Variants in DPP10 observed in about 807,000 individuals in gnomAD.
DPP10 encodes inactive dipeptidyl peptidase 10.
In DPP10, 33 loss-of-function variants were observed where a neutral mutation model predicts 120.9. The ratio of observed to expected loss-of-function variants is 0.27; its 90% CI spans 0.21 to 0.37. DPP10 has a LOEUF of 0.37. Ranked by LOEUF, DPP10 falls within the 10% of genes least tolerant of loss-of-function variation. The probability of loss-of-function intolerance (pLI) is 1.00; values close to 1 mark genes in which losing one functional copy is unlikely to be tolerated. For synonymous variants in DPP10, 337 were observed against 326.1 expected (o/e 1.03, Z -0.36); for missense variants, 816 against 942.8 (o/e 0.87, Z 1.76).
At chr2:115,564,872 A>C (rs1243573174) in intron 5 of DPP10, among the ~76,000 whole-genome samples, 2 of 152,180 alleles carry the variant, frequency 1.3e-5, no homozygotes, top group African/African-American at 4.8e-5. Flanking sequence ...CAGTTGGGTT[A>C]GAGTGGGAAG....
intron 2 of DPP10, among the ~76,000 whole-genome samples, chr2:115,311,556 C>G (rs2061578077): frequency 6.6e-6 from 1 of 152,162 alleles, no homozygotes; most frequent in Non-Finnish European, 1.5e-5. Context: ...TGCATTCATT[C>G]ATCCCATAGG....
rs115112746 is a variant in DPP10, at chr2:115,596,071, C to T, written c.441+70099C>T. 8.8e-3 allele frequency among the ~76,000 whole-genome samples: 1,337 copies of T among 152,172 alleles called. 14 individuals carry two copies. The highest frequency in any genetic ancestry group is 0.029 in the African/African-American group (1,220 of 41,532). ...TAATGCCTTACCCTTTCCTGCATAGCCAGGAGGCATAGCTAGGCCAAGAAG... is the reference window on the plus strand; with the variant it reads ...TAATGCCTTACCCTTTCCTGCATAGTCAGGAGGCATAGCTAGGCCAAGAAG... On this transcript the variant is annotated intron_variant, in intron 5 of 25. Transcript: ENST00000410059.
At position 115,162,044 on chromosome 2, in the gene DPP10, C is replaced by G. The variant is rs1253689482; in HGVS notation, c.61-147195C>G. Reference sequence around the variant, plus strand: ...GGCGGACCAGGTGAGAGTCGGCAGCCGCGGCCAGGCCCTCCCGGGAGGGGT... The same window carrying G: ...GGCGGACCAGGTGAGAGTCGGCAGCGGCGGCCAGGCCCTCCCGGGAGGGGT... On this transcript the variant is annotated intron_variant, in intron 1 of 25. Coordinates refer to ENST00000410059, the MANE Select transcript of DPP10 (RefSeq NM_020868.6). The G allele has an allele frequency of 1.1e-5, 16 of 1,416,536 alleles. 1 individual carries two copies. In the South Asian group the frequency reaches 2.5e-4, roughly 22 times the overall value. The allele number at this position is 1,416,536 out of a possible 1,614,324, so 87.7% of individuals were successfully genotyped here. A position where few individuals can be genotyped will look rare whatever the true frequency, so the allele number is the denominator to read the frequency against.
intron 9 of DPP10, among the ~76,000 whole-genome samples, chr2:115,742,791 G>A (rs1342800420): frequency 6.6e-6 from 1 of 152,004 alleles, no homozygotes; most frequent in East Asian, 1.9e-4. Flanking sequence ...AACACATAGA[G>A]TTTATACTAA....
In DPP10 at chr2:115,840,944, T is replaced by G. The variant is rs548976459; in HGVS notation, c.2256+121T>G. On this transcript the variant is annotated intron_variant, in intron 25 of 25. Coordinates refer to ENST00000410059, the MANE Select transcript of DPP10 (RefSeq NM_020868.6). ...ATTATTTTTTAATATGTTTTTTAGT[T>G]ACCAAAGATTGTGTTCTCTGTTCCT... The G allele has an allele frequency of 4.2e-4, 317 of 759,000 alleles. 1 individual carries two copies. Among genetic ancestry groups the G allele is most frequent in the Non-Finnish European group, 5.7e-4 (288 of 501,602 alleles). The allele number at this position is 759,000 out of a possible 1,614,324, so 47.0% of individuals were successfully genotyped here. A position where few individuals can be genotyped will look rare whatever the true frequency, so the allele number is the denominator to read the frequency against.
At chr2:114,984,439 G>GA (rs1272272619) in intron 1 of DPP10, among the ~76,000 whole-genome samples, 68 of 143,312 alleles carry the variant, frequency 4.7e-4, no homozygotes, top group Middle Eastern at 3.5e-3. Flanking sequence ...AATAAAAAAG[G>GA]AAAAAAAAAA....
intron 3 of DPP10, among the ~76,000 whole-genome samples, chr2:115,438,320 C>T (rs955225595): frequency 2.6e-5 from 4 of 152,010 alleles, no homozygotes; most frequent in Non-Finnish European, 5.9e-5. Context: ...ATGGTGCTTC[C>T]TCAAAAAAGT....
intron 1 of DPP10, among the ~76,000 whole-genome samples, chr2:114,459,265 G>T (rs1678740922): frequency 6.6e-6 from 1 of 152,190 alleles, no homozygotes; most frequent in South Asian, 2.1e-4. Flanking sequence ...CATGTAACAT[G>T]TACTACTAGA....
chr2:115,586,054 G>A (rs2082268067), intron 5 of DPP10, among the ~76,000 whole-genome samples: 1 of 152,134 alleles, frequency 6.6e-6, no homozygotes, highest in Non-Finnish European at 1.5e-5. Context: ...CAGGTGTGGT[G>A]GCTCACGCCT....
chr2:115,264,635 A>T (rs984395894), intron 1 of DPP10, among the ~76,000 whole-genome samples: 1 of 152,238 alleles, frequency 6.6e-6, no homozygotes, highest in Admixed American at 6.5e-5. Flanking sequence ...TATCTGTCAC[A>T]TGAAATATGC....
intron 1 of DPP10, among the ~76,000 whole-genome samples, chr2:114,602,585 T>G (rs1226159801): frequency 2.6e-5 from 4 of 151,966 alleles, no homozygotes; most frequent in Non-Finnish European, 5.9e-5. Context: ...TTAATCTTTG[T>G]GTCACCACAA....
chr2:115,215,693 A>G (rs1221092323), intron 1 of DPP10, among the ~76,000 whole-genome samples: 1 of 152,208 alleles, frequency 6.6e-6, no homozygotes, highest in Non-Finnish European at 1.5e-5. Flanking sequence ...TATTGAAAAC[A>G]GTATGCAGAT....
At position 115,745,570 on chromosome 2, in the gene DPP10, G is replaced by T. The variant is rs186344160; in HGVS notation, c.853-516G>T. Among the ~76,000 whole-genome samples, 2 of 149,936 alleles carry T rather than the reference G, an allele frequency of 1.3e-5. 1 individual carries two copies. The highest frequency in any genetic ancestry group is 4.2e-4 in the South Asian group (2 of 4,808). ...TTAGTAATGTTTAAAAGGAAAGCCC[G>T]GGAGATTAATGCGATAGCATACATT... On this transcript the variant is annotated intron_variant, in intron 9 of 25. Transcript: ENST00000410059.
intron 21 of DPP10, among the ~76,000 whole-genome samples, chr2:115,819,177 AT>A (rs1231488076): frequency 6.6e-6 from 1 of 152,198 alleles, no homozygotes; most frequent in East Asian, 1.9e-4. Flanking sequence ...ATTTGGAGCT[AT>A]TGCTTTCTGT....
intron 1 of DPP10, among the ~76,000 whole-genome samples, chr2:115,042,728 C>A (rs1005861765): frequency 6.6e-6 from 1 of 152,342 alleles, no homozygotes; most frequent in South Asian, 2.1e-4. Flanking sequence ...AACTAGCGTT[C>A]TCCTCAAGCC....
intron 1 of DPP10, among the ~76,000 whole-genome samples, chr2:114,612,048 A>C (rs375407098): frequency 6.6e-6 from 1 of 152,320 alleles, no homozygotes; most frequent in East Asian, 1.9e-4. Flanking sequence ...GCAACTACAC[A>C]TATACTCACA....
rs545123470 is a variant in DPP10, at chr2:114,780,248, T to C, written c.60+337410T>C. Among the ~76,000 whole-genome samples the C allele has an allele frequency of 5.9e-5, 9 of 152,228 alleles. No homozygotes were observed. In the South Asian group the frequency reaches 1.9e-3, roughly 32 times the overall value. ...ACAAAACTGTTGTGATGATATAGAG[T>C]ATTTTTGTCATCTAACTCATCTAAC... On this transcript the variant is annotated intron_variant, in intron 1 of 25. Transcript: ENST00000410059.
intron 7 of DPP10, among the ~76,000 whole-genome samples, chr2:115,704,909 CT>C (rs1250574131): frequency 1.3e-5 from 2 of 151,846 alleles, no homozygotes; most frequent in Non-Finnish European, 2.9e-5. Context: ...CTAAAGGTTT[CT>C]TTTTCTTTTT....
chr2:115,662,321 G>C (rs570311158), intron 5 of DPP10, among the ~76,000 whole-genome samples: 2 of 152,224 alleles, frequency 1.3e-5, no homozygotes, highest in East Asian at 3.9e-4. Context: ...ATGCTGAAAT[G>C]AACACAGTTG....
Sources: allele counts gnomAD v4.1 joint callset (sites outside exome capture counted in the v4.1 genomes callset), GRCh38; gene constraint gnomAD v4.1.1; transcripts MANE v1.5; gene names NCBI Gene and HGNC (gene_info 2026-07-23, HGNC 2026-07-21).